The following CLVS1 variants were observed in gnomAD, a reference collection of about 807,000 sequenced individuals.
CLVS1 encodes clavesin-1.
A neutral mutation model predicts 33.1 loss-of-function variants in CLVS1; 10 were observed. That is an observed-to-expected ratio of 0.30 (90% CI 0.19 to 0.51). CLVS1 has a LOEUF of 0.51. Among genes scored for constraint, CLVS1 ranks in the 20% least tolerant of loss-of-function variants. The pLI is 0.97. For missense variants in CLVS1, 343 were observed against 433.4 expected (o/e 0.79, Z 1.85); for synonymous variants, 163 against 166.1 (o/e 0.98, Z 0.14).
At chr8:61,378,649 C>T (rs1813745062) in intron 3 of CLVS1, among the ~76,000 whole-genome samples, 1 of 152,164 alleles carries the variant, frequency 6.6e-6, no homozygotes, top group Admixed American at 6.5e-5. Flanking sequence ...GATAGGGGCT[C>T]CACCATCCCA....
intron 2 of CLVS1, among the ~76,000 whole-genome samples, chr8:61,277,095 T>C (rs1029905937): frequency 3.9e-5 from 6 of 152,256 alleles, no homozygotes; most frequent in African/African-American, 1.4e-4. Flanking sequence ...TCTTGCTGAC[T>C]CCAGAGCCAC....
intron 3 of CLVS1, among the ~76,000 whole-genome samples, chr8:61,425,836 TC>T (rs1445032407): frequency 6.6e-6 from 1 of 152,228 alleles, no homozygotes; most frequent in Non-Finnish European, 1.5e-5. Context: ...CACATGCTGT[TC>T]TTTCTTGAGG....
chr8:61,356,061 C>A (rs1812691027), intron 2 of CLVS1, among the ~76,000 whole-genome samples: 1 of 152,076 alleles, frequency 6.6e-6, no homozygotes, highest in Non-Finnish European at 1.5e-5. Context: ...TTCTCCACAT[C>A]CTCTCCAGCA....
intron 1 of CLVS1, among the ~76,000 whole-genome samples, chr8:61,063,655 C>A (rs1804626165): frequency 6.6e-6 from 1 of 152,188 alleles, no homozygotes; most frequent in Non-Finnish European, 1.5e-5. Flanking sequence ...AGGCAGCATT[C>A]ATTCCAACAT....
chr8:61,083,753 CAGA>C (rs1471565656), intron 1 of CLVS1, among the ~76,000 whole-genome samples: 3 of 151,466 alleles, frequency 2.0e-5, no homozygotes, highest in African/African-American at 7.3e-5. Context: ...AAAGAAATTT[CAGA>C]AGAAGAAAAA....
intron 2 of CLVS1, among the ~76,000 whole-genome samples, chr8:61,166,031 G>GTTTTTTTGT (rs1806856200): frequency 9.2e-6 from 1 of 108,374 alleles, no homozygotes; most frequent in Non-Finnish European, 1.9e-5. Context: ...GCATCTAAGC[G>GTTTTTTTGT]TTTTTTTTTT....
At chr8:61,459,910 G>T (rs1394231858) in intron 5 of CLVS1, among the ~76,000 whole-genome samples, 3 of 152,190 alleles carry the variant, frequency 2.0e-5, no homozygotes, top group Admixed American at 1.3e-4. Flanking sequence ...TCCTTGGCTT[G>T]CACATGGCTG....
At chr8:61,021,002 G>A in the CLVS1 span, among the ~76,000 whole-genome samples, 1 of 152,108 alleles carries the variant, frequency 6.6e-6, no homozygotes, top group Non-Finnish European at 1.5e-5. Flanking sequence ...CTCTATAAAG[G>A]CTCTCCTAGC....
At chr8:61,124,345 A>T (rs1262080194) in intron 1 of CLVS1, among the ~76,000 whole-genome samples, 4 of 152,228 alleles carry the variant, frequency 2.6e-5, no homozygotes, top group African/African-American at 9.6e-5. Context: ...ACTGAACAAG[A>T]TGAATAGTTT....
At chr8:61,159,342 T>A (rs964889565) in intron 2 of CLVS1, among the ~76,000 whole-genome samples, 1 of 152,194 alleles carries the variant, frequency 6.6e-6, no homozygotes, top group Non-Finnish European at 1.5e-5. Flanking sequence ...CTCTTCCTAC[T>A]TTTGCTAGTT....
At chr8:60,967,056 C>T in the CLVS1 span, among the ~76,000 whole-genome samples, 2 of 152,190 alleles carry the variant, frequency 1.3e-5, no homozygotes, top group East Asian at 1.9e-4. Context: ...CATCTATCTA[C>T]ATATCTATAA....
intron 3 of CLVS1, among the ~76,000 whole-genome samples, chr8:61,414,216 A>G (rs1329623442): frequency 5.3e-5 from 8 of 152,240 alleles, no homozygotes; most frequent in Admixed American, 5.2e-4. Flanking sequence ...GTATGATAAT[A>G]AAGGCATTCC....
chr8:61,422,250 T>A (rs1815708139), intron 3 of CLVS1, among the ~76,000 whole-genome samples: 1 of 152,176 alleles, frequency 6.6e-6, no homozygotes, highest in South Asian at 2.1e-4. Context: ...CATACATGTG[T>A]GAAATTGGAG....
chr8:61,134,775 C>G (rs1459717152), intron 2 of CLVS1, among the ~76,000 whole-genome samples: 2 of 152,174 alleles, frequency 1.3e-5, no homozygotes, highest in Non-Finnish European at 2.9e-5. Flanking sequence ...GAAAATCTCC[C>G]CATCTCAGGC....
intron 1 of CLVS1, among the ~76,000 whole-genome samples, chr8:61,297,328 G>A (rs1289984728): frequency 6.6e-6 from 1 of 152,148 alleles, no homozygotes; most frequent in African/African-American, 2.4e-5. Context: ...TAGGGAGAAT[G>A]TCACAGGACT....
chr8:61,301,557 A>C (rs1424420549), intron 2 of CLVS1, among the ~76,000 whole-genome samples: 1 of 152,196 alleles, frequency 6.6e-6, no homozygotes, highest in East Asian at 1.9e-4. Flanking sequence ...TATTAATGAC[A>C]AGCTCTGCTA....
intron 2 of CLVS1, among the ~76,000 whole-genome samples, chr8:61,157,133 A>T (rs1240268897): frequency 1.3e-5 from 2 of 152,178 alleles, no homozygotes; most frequent in African/African-American, 4.8e-5. Context: ...GTATAAAGGC[A>T]CTCTAGCTTG....
chr8:60,986,129 A>G, the CLVS1 span, among the ~76,000 whole-genome samples: 1 of 152,360 alleles, frequency 6.6e-6, no homozygotes, highest in East Asian at 1.9e-4. Flanking sequence ...TTGTAGATGC[A>G]AAGGTTATGA....
At chr8:61,077,436 TA>T (rs1179012636) in intron 1 of CLVS1, among the ~76,000 whole-genome samples, 3 of 138,876 alleles carry the variant, frequency 2.2e-5, no homozygotes, top group Non-Finnish European at 4.6e-5. Flanking sequence ...AGGGACCCTC[TA>T]AAAGTATTAT....
Sources: gnomAD v4.1 joint callset for allele counts (sites outside exome capture counted in the v4.1 genomes callset) on GRCh38, gnomAD v4.1.1 for gene constraint, MANE v1.5 for transcripts, NCBI Gene and HGNC (gene_info 2026-07-23, HGNC 2026-07-21) for gene names.